NF2: variants seen among roughly 807,000 people sequenced by gnomAD.
The protein encoded by NF2 is NF2, moesin-ezrin-radixin like (MERLIN) tumor suppressor.
Under a neutral mutation model 83.7 loss-of-function variants are expected in NF2, and 8 were observed. That is an observed-to-expected ratio of 0.10 (90% CI 0.06 to 0.17). NF2 has a LOEUF of 0.17. NF2 is among the 10% of genes least tolerant of loss of function. The pLI is 1.00. For synonymous variants in NF2, 266 were observed against 269.6 expected, an observed-to-expected ratio of 0.99 and a Z score of 0.13; for missense variants, 533 against 744.4, an observed-to-expected ratio of 0.72 and a Z score of 3.31.
chr22:29,683,700 G>T (rs1395878705), intron 15 of NF2: 2 of 1,072,502 alleles, frequency 1.9e-6, no homozygotes, highest in Admixed American at 4.8e-5. Context: ...CTCTGCTTCA[G>T]CTTCCTCTCC....
intron 9 of NF2, among the ~76,000 whole-genome samples, chr22:29,666,100 C>T (rs904984775): frequency 1.3e-5 from 2 of 151,612 alleles, no homozygotes; most frequent in Non-Finnish European, 2.9e-5. Flanking sequence ...CTCTGTAGCA[C>T]TCTGTTATAT....
chr22:29,606,145 G>A (rs1359389557), intron 1 of NF2, among the ~76,000 whole-genome samples: 3 of 152,140 alleles, frequency 2.0e-5, no homozygotes, highest in Non-Finnish European at 4.4e-5. Context: ...GTAGAGGCAG[G>A]GTTTCTCCAT....
intron 5 of NF2, among the ~76,000 whole-genome samples, chr22:29,655,009 G>C (rs977314123): frequency 6.6e-6 from 1 of 152,148 alleles, no homozygotes; most frequent in African/African-American, 2.4e-5. Context: ...CAAAGAGGAG[G>C]CTGGAGCAGA....
At chr22:29,649,476 A>C (rs897037417) in intron 4 of NF2, among the ~76,000 whole-genome samples, 14 of 152,196 alleles carry the variant, frequency 9.2e-5, no homozygotes, top group Non-Finnish European at 2.1e-4. Context: ...AAGAGGTGGG[A>C]GGATAGCTTG....
At chr22:29,611,798 A>T (rs1460727934) in intron 1 of NF2, among the ~76,000 whole-genome samples, 1 of 152,246 alleles carries the variant, frequency 6.6e-6, no homozygotes, top group Non-Finnish European at 1.5e-5. Flanking sequence ...GTTATAGGAT[A>T]CAAGATCATT....
At chr22:29,677,684 A>G (rs1185462185) in intron 13 of NF2, among the ~76,000 whole-genome samples, 3 of 152,098 alleles carry the variant, frequency 2.0e-5, no homozygotes, top group South Asian at 4.1e-4. Context: ...CCATTGCCAT[A>G]CTTCCCGTCC....
At chr22:29,672,054 A>C (rs1050706504) in intron 11 of NF2, 106 bp downstream of exon 11, 3 of 1,528,128 alleles carry the variant, frequency 2.0e-6, no homozygotes, top group Non-Finnish European at 2.7e-6. Context: ...TTGCTTTGAA[A>C]TACTTAATTT....
intron 2 of NF2, 63 bp from the exon 3 acceptor site, chr22:29,639,027 T>C: frequency 4.3e-6 from 7 of 1,612,690 alleles, no homozygotes; most frequent in Non-Finnish European, 4.2e-6. Context: ...AAGGCTTCTT[T>C]GAGGGTAGCA....
intron 4 of NF2, among the ~76,000 whole-genome samples, chr22:29,650,378 G>GA (rs374670106): frequency 1.5e-3 from 228 of 152,266 alleles, no homozygotes; most frequent in African/African-American, 5.2e-3. Context: ...CTAATTGATA[G>GA]AAAAAGATTT....
chr22:29,650,508 G>A (rs1447405586), intron 4 of NF2, among the ~76,000 whole-genome samples: 3 of 145,428 alleles, frequency 2.1e-5, no homozygotes, highest in Non-Finnish European at 4.7e-5. Context: ...CTACTGTATT[G>A]TTTGTTTGTT....
chr22:29,625,255 A>C (rs549267762), intron 1 of NF2, among the ~76,000 whole-genome samples: 2 of 152,280 alleles, frequency 1.3e-5, no homozygotes, highest in South Asian at 2.1e-4. Context: ...CATGCTAAGT[A>C]ATACAATCTC....
chr22:29,676,590 T>C (rs1363195496), intron 13 of NF2, among the ~76,000 whole-genome samples: 1 of 152,242 alleles, frequency 6.6e-6, no homozygotes, highest in Non-Finnish European at 1.5e-5. Flanking sequence ...TTTTTAATCA[T>C]GTTTTGTTGT....
rs1433160885 is a variant in NF2 at position 29,661,347 on chromosome 22, A to G, written c.810+8A>G. 2 of 1,613,474 alleles carry G rather than the reference A, an allele frequency of 1.2e-6. No individual in the cohort carries two copies. Among genetic ancestry groups the G allele is most frequent in the South Asian group, 1.1e-5 (1 of 91,082 alleles). ...TCGTACAGTGACAAGGAGGTAGGAC[A>G]TGTGTGTACTGCAGATGGGTCCAGC... On this transcript the variant is annotated splice_region_variant and intron_variant, in intron 8 of 15. Coordinates refer to ENST00000338641, the MANE Select transcript of NF2 (RefSeq NM_000268.4).
chr22:29,635,885 C>G (rs920517831), intron 1 of NF2, among the ~76,000 whole-genome samples: 2 of 152,136 alleles, frequency 1.3e-5, no homozygotes, highest in African/African-American at 4.8e-5. Flanking sequence ...AGGGGGCAAG[C>G]AGCAACTAAG....
intron 8 of NF2, among the ~76,000 whole-genome samples, chr22:29,661,710 G>C (rs2066483129): frequency 6.6e-6 from 1 of 152,038 alleles, no homozygotes; most frequent in Admixed American, 6.6e-5. Flanking sequence ...TTGAATCCTG[G>C]GCTCAAGCAA....
chr22:29,626,236 C>T (rs1157319251), intron 1 of NF2, among the ~76,000 whole-genome samples: 1 of 148,342 alleles, frequency 6.7e-6, no homozygotes, highest in Non-Finnish European at 1.5e-5. Flanking sequence ...TCATGGCAAT[C>T]TCTGCCTCCT....
At chr22:29,640,860 G>C (rs573827416) in intron 3 of NF2, among the ~76,000 whole-genome samples, 1 of 152,108 alleles carries the variant, frequency 6.6e-6, no homozygotes, top group Non-Finnish European at 1.5e-5. Flanking sequence ...TAGGCTGGGC[G>C]TGGTGGCTCA....
At chr22:29,627,427 G>A (rs2065395440) in intron 1 of NF2, among the ~76,000 whole-genome samples, 1 of 152,174 alleles carries the variant, frequency 6.6e-6, no homozygotes. Flanking sequence ...ATAGCATGAT[G>A]GTTGTATTGT....
intron 4 of NF2, among the ~76,000 whole-genome samples, chr22:29,644,886 G>C (rs34880116): frequency 2.0e-4 from 31 of 151,690 alleles, no homozygotes; most frequent in African/African-American, 7.5e-4. Context: ...GTCCAGCTTT[G>C]GCTCGGCATG....
Sources: allele counts gnomAD v4.1 joint callset (sites outside exome capture counted in the v4.1 genomes callset), GRCh38; gene constraint gnomAD v4.1.1; transcripts MANE v1.5; gene names NCBI Gene and HGNC (gene_info 2026-07-23, HGNC 2026-07-21).